LGR5: variants seen among roughly 807,000 people sequenced by gnomAD.
LGR5 encodes leucine-rich repeat-containing G protein-coupled receptor 5.
Under a neutral mutation model 76.7 loss-of-function variants are expected in LGR5, and 54 were observed. That is an observed-to-expected ratio of 0.70 (90% CI 0.57 to 0.88). LGR5 has a LOEUF of 0.88. Ranked by LOEUF, LGR5 falls within the 40% of genes least tolerant of loss-of-function variation. LGR5 has a pLI of 0.00. For missense variants in LGR5, 1,078 were observed against 1,073.3 expected, an observed-to-expected ratio of 1.00 and a Z score of -0.06; for synonymous variants, 406 against 421.9, an observed-to-expected ratio of 0.96 and a Z score of 0.46.
At chr12:71,511,113 A>G (rs1407541952) in intron 2 of LGR5, among the ~76,000 whole-genome samples, 3 of 152,304 alleles carry the variant, frequency 2.0e-5, no homozygotes, top group African/African-American at 7.2e-5. Flanking sequence ...TGATTTCTGC[A>G]TGCAAAATAG....
chr12:71,578,680 A>T (rs1390945431), intron 14 of LGR5, 124 bp from the exon 15 acceptor site: 7 of 918,306 alleles, frequency 7.6e-6, no homozygotes, highest in Non-Finnish European at 1.1e-5. Context: ...TACCATTAAG[A>T]GTAAGGACCC....
rs769905836 is a variant in LGR5 at position 71,584,682 on chromosome 12, C to G, written c.2672C>G (p.Pro891Arg). ...PPSSVPSPAY[P>R]VTESCHLSSV... ...AGTTCCGTGCCATCACCAGCTTATC[C>G]AGTGACTGAGAGCTGCCATCTTTCC... The change falls in exon 18 of 18, where the codon CCA (proline) becomes CGA (arginine). Residue 891 changes from proline (P) to arginine (R), a missense_variant. Pro to Arg is a moderately radical substitution (Grantham distance 103, BLOSUM62 -2). Coordinates refer to ENST00000266674, the MANE Select transcript of LGR5 (RefSeq NM_003667.4). 9 of 1,613,794 alleles carry G rather than the reference C, an allele frequency of 5.6e-6. No individual in the cohort carries two copies. The highest frequency in any genetic ancestry group is 7.6e-6 in the Non-Finnish European group (9 of 1,179,780).
intron 1 of LGR5, among the ~76,000 whole-genome samples, chr12:71,443,560 T>C (rs931019382): frequency 6.6e-6 from 1 of 152,224 alleles, no homozygotes; most frequent in Non-Finnish European, 1.5e-5. Flanking sequence ...AATAATGGTT[T>C]ACAACATTTA....
At position 71,566,684 on chromosome 12, in the gene LGR5, G is replaced by A; in HGVS notation, c.982G>A (p.Ala328Thr). Residue 328 changes from alanine (A) to threonine (T), a missense_variant, in exon 10 of 18, where the codon GCA becomes ACA. Coordinates refer to ENST00000266674, the MANE Select transcript of LGR5 (RefSeq NM_003667.4). ...ITEFPDLTGT[A>T]NLESLTLTGA... The stretch of plus-strand genomic sequence containing the variant: ...TGAATTTCCTGATTTAACTGGAACT[G>A]CAAACCTGGAGAGTCTGTAAGTACT... The A allele has an allele frequency of 1.9e-6, 3 of 1,613,188 alleles. No individual in the cohort carries two copies. The highest frequency in any genetic ancestry group is 2.5e-6 in the Non-Finnish European group (3 of 1,179,268).
intron 1 of LGR5, among the ~76,000 whole-genome samples, chr12:71,469,486 T>C (rs913471114): frequency 6.6e-6 from 1 of 152,220 alleles, no homozygotes; most frequent in Non-Finnish European, 1.5e-5. Context: ...TGGGAATCAG[T>C]GCGGTTCAGG....
intron 4 of LGR5, among the ~76,000 whole-genome samples, chr12:71,541,445 A>G (rs957666671): frequency 2.0e-5 from 3 of 152,234 alleles, no homozygotes; most frequent in African/African-American, 7.2e-5. Context: ...AATGAAGGTT[A>G]ACTTTGGAAA....
chr12:71,469,208 A>G (rs1165042111), intron 1 of LGR5, among the ~76,000 whole-genome samples: 1 of 152,232 alleles, frequency 6.6e-6, no homozygotes, highest in Non-Finnish European at 1.5e-5. Flanking sequence ...ACCGACTTCC[A>G]AAGAGATTAT....
chr12:71,578,874 A>G lies in LGR5; in HGVS notation c.1351A>G (p.Thr451Ala). ...ACATGGTTTAACTCACTTAAAATTA[A>G]CAGGAAATCATGCCTTACAGAGCTT... Reference protein sequence around the residue: ...GLHGLTHLKLTGNHALQSLIS... With the variant: ...GLHGLTHLKLAGNHALQSLIS... Residue 451 changes from threonine to alanine, a missense_variant, in exon 15 of 18, where the codon ACA (threonine) becomes GCA (alanine). Physicochemically the swap from Thr to Ala is moderately conservative, Grantham distance 58 (BLOSUM62 0). Transcript: ENST00000266674. 2 of 1,613,070 alleles carry G rather than the reference A, an allele frequency of 1.2e-6. No homozygotes were observed. Among genetic ancestry groups the G allele is most frequent in the Non-Finnish European group, 1.7e-6 (2 of 1,179,386 alleles).
At chr12:71,474,230 T>C (rs920820619) in intron 1 of LGR5, among the ~76,000 whole-genome samples, 1 of 151,956 alleles carries the variant, frequency 6.6e-6, no homozygotes, top group South Asian at 2.1e-4. Flanking sequence ...GGATAAACAA[T>C]TCAGAAATTA....
chr12:71,522,140 C>G lies in LGR5; in HGVS notation c.285-2266C>G, dbSNP rs973999795. 1.1e-4 allele frequency among the ~76,000 whole-genome samples: 16 copies of G among 152,182 alleles called. 1 individual carries two copies. On this transcript the variant is annotated intron_variant, in intron 2 of 17. Transcript: ENST00000266674. ...CTCATAGTCTGGTTCAGTTCTAGCA[C>G]CCACTAGGGATCAGGGAATTCTCGG...
At chr12:71,453,013 A>C (rs561623442) in intron 1 of LGR5, among the ~76,000 whole-genome samples, 1 of 152,280 alleles carries the variant, frequency 6.6e-6, no homozygotes, top group Admixed American at 6.5e-5. Flanking sequence ...TTATTCCCTA[A>C]ATTAGCTAAA....
intron 2 of LGR5, among the ~76,000 whole-genome samples, chr12:71,523,484 GA>G (rs886869860): frequency 4.6e-5 from 7 of 151,014 alleles, no homozygotes; most frequent in African/African-American, 9.7e-5. Context: ...CTCTAAAAAA[GA>G]AAAAAAAGAA....
At chr12:71,534,219 G>C (rs1032843624) in intron 3 of LGR5, among the ~76,000 whole-genome samples, 11 of 152,248 alleles carry the variant, frequency 7.2e-5, no homozygotes, top group Non-Finnish European at 1.0e-4. Flanking sequence ...TTATGAATAA[G>C]GTAGCAAAAT....
chr12:71,443,519 A>G lies in LGR5; in HGVS notation c.212+3227A>G, dbSNP rs185275735. ...AAAGTTTACTTAGCAGAAAATAAGG[A>G]ACGCACCAAGGTTGAGATATAAAAG... is the stretch of plus-strand genomic sequence containing the variant. On this transcript the variant is annotated intron_variant, in intron 1 of 17. Transcript: ENST00000266674. Among the ~76,000 whole-genome samples the G allele has an allele frequency of 1.4e-3, 206 of 152,352 alleles. 2 individuals carry two copies. Among genetic ancestry groups the G allele is most frequent in the Admixed American group, 1.4e-3 (22 of 15,308 alleles).
rs1277553165 is a variant in LGR5 at position 71,580,442 on chromosome 12, T to C, written c.1552+19T>C. On this transcript the variant is annotated intron_variant, in intron 16 of 17. Transcript: ENST00000266674. Reference sequence around the variant, plus strand: ...GCTCAAGGTAGGACTTGCTATGCCATGGTAATGAAATTGTGTTGTGTTCAG... The same window carrying C: ...GCTCAAGGTAGGACTTGCTATGCCACGGTAATGAAATTGTGTTGTGTTCAG... 6 of 1,606,570 alleles carry C rather than the reference T, an allele frequency of 3.7e-6. No individual in the cohort carries two copies. Among genetic ancestry groups the C allele is most frequent in the Admixed American group, 3.4e-5 (2 of 58,758 alleles).
At chr12:71,571,458 T>C in intron 11 of LGR5, 56 bp from the exon 12 acceptor site, 1 of 1,313,064 alleles carries the variant, frequency 7.6e-7, no homozygotes, top group Non-Finnish European at 1.1e-6. Context: ...GCAAAGCATG[T>C]TTCTTTATGA....
chr12:71,549,754 T>C (rs1041420188), intron 4 of LGR5, among the ~76,000 whole-genome samples: 2 of 152,174 alleles, frequency 1.3e-5, no homozygotes, highest in Non-Finnish European at 2.9e-5. Context: ...AGAAACTGTT[T>C]AGTAGAGAGA....
intron 1 of LGR5, among the ~76,000 whole-genome samples, chr12:71,490,129 C>CAAA (rs34971565): frequency 0.021 from 2,981 of 140,800 alleles, 101 homozygotes; most frequent in African/African-American, 0.074. Context: ...GACCCAGCCT[C>CAAA]AAAAAAAAAA....
chr12:71,578,654 C>T (rs1878961377), intron 14 of LGR5, 150 bp from the exon 15 acceptor site: 1 of 670,220 alleles, frequency 1.5e-6, no homozygotes, highest in African/African-American at 1.8e-5. Context: ...AAGAGCTAAA[C>T]CAAAATGGTT....
Sources: allele counts gnomAD v4.1 joint callset (sites outside exome capture counted in the v4.1 genomes callset), GRCh38; gene constraint gnomAD v4.1.1; transcripts MANE v1.5; gene names NCBI Gene and HGNC (gene_info 2026-07-23, HGNC 2026-07-21).